The following SAG variants were observed in gnomAD, a reference collection of about 807,000 sequenced individuals.
SAG encodes S-antigen visual arrestin.
Under a neutral mutation model 55.0 loss-of-function variants are expected in SAG, and 45 were observed. That is an observed-to-expected ratio of 0.82 (90% CI 0.64 to 1.05). The LOEUF (loss-of-function observed/expected upper bound fraction) is 1.05, where lower values mean the gene tolerates loss of function less well. Among genes scored for constraint, SAG ranks in the 50% least tolerant of loss-of-function variants. The probability of loss-of-function intolerance (pLI) is 0.00; values close to 1 mark genes in which losing one functional copy is unlikely to be tolerated. For missense variants in SAG, 455 were observed against 512.1 expected, an observed-to-expected ratio of 0.89 and a Z score of 1.08; for synonymous variants, 189 against 197.4, an observed-to-expected ratio of 0.96 and a Z score of 0.36.
At chr2:233,342,383 T>C in intron 14 of SAG, 57 bp downstream of exon 14, 1 of 1,353,594 alleles carries the variant, frequency 7.4e-7, no homozygotes, top group Non-Finnish European at 1.0e-6. Context: ...AGATTTATTG[T>C]TGATGTATTT....
intron 2 of SAG, among the ~76,000 whole-genome samples, chr2:233,310,666 C>T (rs1700055011): frequency 6.6e-6 from 1 of 152,020 alleles, no homozygotes; most frequent in Non-Finnish European, 1.5e-5. Context: ...GCCACCGCGC[C>T]CAGCTAATTT....
At chr2:233,314,142 A>T (rs1194720701) in intron 2 of SAG, among the ~76,000 whole-genome samples, 1 of 151,504 alleles carries the variant, frequency 6.6e-6, no homozygotes, top group Non-Finnish European at 1.5e-5. Context: ...GGATCACTTG[A>T]TCCTGGGAAG....
Position 233,340,393 on chromosome 2 carries a change from A to G in SAG, c.1023-62A>G, listed in dbSNP as rs1030127129. On this transcript the variant is annotated intron_variant, in intron 12 of 15. Coordinates refer to ENST00000409110, the MANE Select transcript of SAG (RefSeq NM_000541.5). This position sits in a 1 kb window ranked among gnomAD's most constrained non-coding sequence, Gnocchi z 4.2. Reference sequence around the variant, plus strand: ...CTGGGCTGTGTCCTGCCTCTGAATCATGGGAAAGGGTCGTGTTACCACTGT... The same window carrying G: ...CTGGGCTGTGTCCTGCCTCTGAATCGTGGGAAAGGGTCGTGTTACCACTGT... 2 of 1,508,236 alleles carry G rather than the reference A, an allele frequency of 1.3e-6. No homozygotes were observed. Among genetic ancestry groups the G allele is most frequent in the African/African-American group, 1.4e-5 (1 of 72,972 alleles). 93.4% of individuals were successfully genotyped at this position (1,508,236 alleles called of 1,614,324 possible).
intron 2 of SAG, among the ~76,000 whole-genome samples, 197 bp from the exon 3 acceptor site, chr2:233,315,877 AT>A (rs895328038): frequency 2.8e-5 from 4 of 145,206 alleles, no homozygotes; most frequent in South Asian, 2.2e-4. Context: ...TAATTTTTAT[AT>A]TTTTTTTTAG....
intron 6 of SAG, among the ~76,000 whole-genome samples, chr2:233,324,914 G>T (rs535023561): frequency 7.2e-5 from 11 of 152,238 alleles, no homozygotes; most frequent in Admixed American, 5.2e-4. Context: ...AAATGGAAGG[G>T]AACAGAATGG....
intron 5 of SAG, among the ~76,000 whole-genome samples, 166 bp from the exon 6 acceptor site, chr2:233,322,780 A>C (rs939653978): frequency 1.3e-5 from 2 of 152,214 alleles, no homozygotes; most frequent in African/African-American, 4.8e-5. Context: ...AAATTTTGGG[A>C]AGGTTATGTT....
In SAG at chr2:233,321,308, G is replaced by A. The variant is rs113618446; in HGVS notation, c.375+485G>A. ...AGACCTGGCTACCAACGGTGCCAGC[G>A]TGCAAACTCTCTGAAGTCTTGGGCG... On this transcript the variant is annotated intron_variant, in intron 5 of 15. Transcript: ENST00000409110. Among the ~76,000 whole-genome samples the A allele has an allele frequency of 3.2e-3, 491 of 152,284 alleles. 1 individual carries two copies. The highest frequency in any genetic ancestry group is 0.01 in the African/African-American group (420 of 41,544).
intron 6 of SAG, among the ~76,000 whole-genome samples, chr2:233,325,661 A>C (rs1700529786): frequency 6.6e-6 from 1 of 152,224 alleles, no homozygotes; most frequent in African/African-American, 2.4e-5. Context: ...CCCCAAATTC[A>C]GATTTTTAGG....
chr2:233,319,096 T>C lies in SAG; in HGVS notation c.181+301T>C. ...TTCCTGTTTGCTCGCCCCTGTTTCA[T>C]GTACTTCTGTGCTAGGGGCAAACTC... On this transcript the variant is annotated intron_variant, in intron 4 of 15. Transcript: ENST00000409110. The surrounding 1 kb of genome is among the most constrained non-coding windows in gnomAD (Gnocchi z 4.4). 1 of 557,248 alleles carries C rather than the reference T, an allele frequency of 1.8e-6. No individual in the cohort carries two copies. The highest frequency in any genetic ancestry group is 3.5e-6 in the Non-Finnish European group (1 of 288,268). 34.5% of individuals were successfully genotyped at this position (557,248 alleles called of 1,614,324 possible).
chr2:233,326,991 C>T (rs530960465), intron 6 of SAG, 130 bp from the exon 7 acceptor site: 33 of 692,366 alleles, frequency 4.8e-5, no homozygotes, highest in African/African-American at 1.8e-4. Context: ...GGTGCAACCC[C>T]GAATAGGACA....
At chr2:233,326,415 A>G (rs943831763) in intron 6 of SAG, among the ~76,000 whole-genome samples, 3 of 151,598 alleles carry the variant, frequency 2.0e-5, no homozygotes, top group South Asian at 2.1e-4. Context: ...TGAAACCCCA[A>G]CTCTACTAAA....
chr2:233,331,010 A>T (rs1277052271), intron 9 of SAG, among the ~76,000 whole-genome samples: 1 of 152,052 alleles, frequency 6.6e-6, no homozygotes, highest in Non-Finnish European at 1.5e-5. Context: ...CCAGGAGTTC[A>T]AGACCAGCCT....
intron 1 of SAG, among the ~76,000 whole-genome samples, chr2:233,308,483 C>G (rs1446331461): frequency 6.6e-6 from 1 of 151,224 alleles, no homozygotes; most frequent in African/African-American, 2.4e-5. Context: ...AAAAAAAAAA[C>G]CTCAGAGTAT....
chr2:233,314,401 G>A (rs1206370574), intron 2 of SAG, among the ~76,000 whole-genome samples: 2 of 152,084 alleles, frequency 1.3e-5, no homozygotes, highest in Admixed American at 1.3e-4. Context: ...GCCAGCCGCA[G>A]GCCCAGCCAC....
rs1354883666 is a variant in SAG at position 233,322,978 on chromosome 2, G to T, written c.408G>T (p.Leu136Phe). The part of the protein sequence containing the change: ...FPDYLPCSVM[L>F]QPAPQDSGKS... ...ACTACTTGCCCTGTTCAGTGATGTT[G>T]CAGCCAGCTCCACAAGATTCAGGGA... Residue 136 changes from leucine (L) to phenylalanine (F), a missense_variant, in exon 6 of 16, where the codon TTG becomes TTT. Physicochemically the swap from Leu to Phe is conservative, Grantham distance 22 (BLOSUM62 0). Coordinates refer to ENST00000409110, the MANE Select transcript of SAG (RefSeq NM_000541.5). The T allele has an allele frequency of 6.3e-7, 1 of 1,577,978 alleles. No individual in the cohort carries two copies. Among genetic ancestry groups the T allele is most frequent in the African/African-American group, 1.3e-5 (1 of 74,276 alleles).
chr2:233,317,156 C>G (rs1202187199), intron 3 of SAG, among the ~76,000 whole-genome samples: 1 of 152,196 alleles, frequency 6.6e-6, no homozygotes, highest in Non-Finnish European at 1.5e-5. Flanking sequence ...GCCACTGCAC[C>G]CAGCAGCAGC....
intron 10 of SAG, 132 bp downstream of exon 10, chr2:233,331,844 C>G (rs114766841): frequency 5.5e-5 from 39 of 713,782 alleles, no homozygotes; most frequent in Non-Finnish European, 9.4e-5. Context: ...TCCTCTTTCT[C>G]CCTTCGAGGG....
chr2:233,343,260 TG>T, intron 14 of SAG: 1 of 154,966 alleles, frequency 6.5e-6, no homozygotes, highest in Non-Finnish European at 1.4e-5. Context: ...TTTTTGTATT[TG>T]TAGTAGAGAC....
chr2:233,318,672 A>T (rs1265552584), intron 3 of SAG, 79 bp from the exon 4 acceptor site: 8 of 1,211,988 alleles, frequency 6.6e-6, no homozygotes, highest in Middle Eastern at 3.8e-4. Context: ...GTAATTAAAA[A>T]CATGCGCAGT....
Sources: allele counts gnomAD v4.1 joint callset (sites outside exome capture counted in the v4.1 genomes callset), GRCh38; gene constraint gnomAD v4.1.1; non-coding constraint Gnocchi (gnomAD v3.1); transcripts MANE v1.5; gene names NCBI Gene and HGNC (gene_info 2026-07-23, HGNC 2026-07-21).